The following MTRF1L variants were observed in gnomAD, a reference collection of about 807,000 sequenced individuals.
MTRF1L encodes mitochondrial translation release factor 1 like.
A neutral mutation model predicts 40.0 loss-of-function variants in MTRF1L; 29 were observed. The observed-to-expected ratio is 0.73, with a 90% CI of 0.54 to 0.99. The LOEUF (loss-of-function observed/expected upper bound fraction) is 0.99. Ranked by LOEUF, MTRF1L falls within the 50% of genes least tolerant of loss-of-function variation. MTRF1L has a pLI of 0.00. For missense variants in MTRF1L, 412 were observed against 464.5 expected, an observed-to-expected ratio of 0.89 and a Z score of 1.04; for synonymous variants, 150 against 175.8, an observed-to-expected ratio of 0.85 and a Z score of 1.16.
chr6:152,992,260 G>C (rs1584095018), intron 5 of MTRF1L, among the ~76,000 whole-genome samples: 2 of 152,158 alleles, frequency 1.3e-5, no homozygotes, highest in East Asian at 3.9e-4. Flanking sequence ...TATCACATGT[G>C]AATCACTGTG....
chr6:152,992,775 G>A (rs1778571107), intron 5 of MTRF1L, 82 bp downstream of exon 5: 1 of 992,870 alleles, frequency 1.0e-6, no homozygotes, highest in Non-Finnish European at 1.6e-6. Flanking sequence ...TGGTAACCGA[G>A]GATCTATTTC....
intron 2 of MTRF1L, among the ~76,000 whole-genome samples, chr6:152,996,535 T>C (rs1201438407): frequency 1.3e-5 from 2 of 152,142 alleles, no homozygotes; most frequent in Non-Finnish European, 2.9e-5. Flanking sequence ...TTTTAGTAAT[T>C]TTCACATTTG....
chr6:152,991,382 A>T, intron 5 of MTRF1L, 61 bp from the exon 6 acceptor site: 1 of 1,466,100 alleles, frequency 6.8e-7, no homozygotes, highest in Non-Finnish European at 9.1e-7. Flanking sequence ...CTTATTATCA[A>T]GGAATACTTT....
intron 5 of MTRF1L, chr6:152,991,546 T>G: frequency 2.6e-6 from 1 of 382,568 alleles, no homozygotes; most frequent in South Asian, 3.4e-5. Flanking sequence ...AAAGTCTTTC[T>G]TTCTTTCTTT....
intron 2 of MTRF1L, among the ~76,000 whole-genome samples, chr6:152,996,142 T>G (rs958966523): frequency 3.9e-5 from 6 of 152,180 alleles, no homozygotes; most frequent in African/African-American, 1.4e-4. Context: ...TACCTTAAGA[T>G]GTGAAACTAA....
intron 4 of MTRF1L, among the ~76,000 whole-genome samples, chr6:152,994,309 A>C (rs1054649077): frequency 3.3e-5 from 5 of 152,202 alleles, no homozygotes; most frequent in Admixed American, 1.3e-4. Context: ...ATACTAATAC[A>C]CAGACAATGC....
intron 2 of MTRF1L, among the ~76,000 whole-genome samples, chr6:152,995,729 C>T (rs899563449): frequency 2.0e-5 from 3 of 152,156 alleles, no homozygotes; most frequent in African/African-American, 7.2e-5. Context: ...ACCAAAAGCA[C>T]TCAAAACTAC....
rs778823773 is a variant in MTRF1L at position 152,992,873 on chromosome 6, T to C, written c.789A>G (p.Ile263Met). The change falls in exon 5 of 7, where the codon ATA (isoleucine) becomes ATG (methionine). Residue 263 changes from isoleucine to methionine, a missense_variant. Transcript: ENST00000367233. ...HVNTTDSAVR[I>M]VHLPTGVVSE... ...AGTACACACCTGTTGGAAGATGAAC[T>C]ATCCGGACAGCACTGTCCGTGGTAT... 7 of 1,611,090 alleles carry C rather than the reference T, an allele frequency of 4.3e-6. No individual in the cohort carries two copies. Among genetic ancestry groups the C allele is most frequent in the Non-Finnish European group, 5.1e-6 (6 of 1,179,094 alleles).
chr6:153,002,582 T>A lies in MTRF1L; in HGVS notation c.104A>T (p.Glu35Val). 5 of 1,561,148 alleles carry A rather than the reference T, an allele frequency of 3.2e-6. No homozygotes were observed. Among genetic ancestry groups the A allele is most frequent in the Non-Finnish European group, 4.3e-6 (5 of 1,154,078 alleles). Residue 35 changes from glutamate to valine, a missense_variant, in exon 1 of 7, where the codon GAG (glutamate) becomes GTG (valine). Transcript: ENST00000367233. ...CAAGGGCCCGCCCCGGGTGAACAGCTCCTCCAGCGGCGGGCTACCGGAGCT... is the reference window on the plus strand; with the variant it reads ...CAAGGGCCCGCCCCGGGTGAACAGCACCTCCAGCGGCGGGCTACCGGAGCT... ...PLSSGSPPLEELFTRGGPLRT... is the reference protein window; with the variant it reads ...PLSSGSPPLEVLFTRGGPLRT...
rs903463895 is a variant in MTRF1L, at chr6:153,002,534, G to T, written c.152C>A (p.Ala51Glu). Reference sequence around the variant, plus strand: ...GACCTTCAAATGGGCTTCAGACCCCGCCTGGCGCTCGAGGAAGGTCCGCAA... The same window carrying T: ...GACCTTCAAATGGGCTTCAGACCCCTCCTGGCGCTCGAGGAAGGTCCGCAA... ...GPLRTFLERQ[A>E]GSEAHLKVRR... Residue 51 changes from alanine (A) to glutamate (E), a missense_variant, in exon 1 of 7, where the codon GCG (alanine) becomes GAG (glutamate). Physicochemically the swap from Ala to Glu is moderately radical, Grantham distance 107. Coordinates refer to ENST00000367233, the MANE Select transcript of MTRF1L (RefSeq NM_019041.7). 7 of 1,606,054 alleles carry T rather than the reference G, an allele frequency of 4.4e-6. No individual in the cohort carries two copies. The African/African-American group carries it at 9.4e-5, about 22-fold the overall frequency.
In MTRF1L at chr6:152,989,956, T is replaced by C; in HGVS notation, c.1082A>G (p.Gln361Arg). 6.2e-7 allele frequency: 1 copy of C among 1,613,692 alleles called. No homozygotes were observed. The highest frequency in any genetic ancestry group is 2.2e-5 in the East Asian group (1 of 44,852). ...ATAATCGGCGTATTCCTTCAATGAC[T>C]GTACAAGTTCATCCAGTAGATAATC... ...QGDYLLDELV[Q>R]SLKEYADYES... The change falls in exon 7 of 7, where the codon CAG (glutamine) becomes CGG (arginine). Residue 361 changes from glutamine (Q) to arginine (R), a missense_variant. Physicochemically the swap from Gln to Arg is conservative, Grantham distance 43. Transcript: ENST00000367233.
chr6:153,001,605 C>G (rs898357864), intron 1 of MTRF1L, among the ~76,000 whole-genome samples: 8 of 152,224 alleles, frequency 5.3e-5, no homozygotes, highest in African/African-American at 1.9e-4. Flanking sequence ...CAGTACCACT[C>G]GTGCTGAAGC....
At chr6:152,991,364 C>A in intron 5 of MTRF1L, 43 bp from the exon 6 acceptor site, 1 of 1,513,552 alleles carries the variant, frequency 6.6e-7, no homozygotes, top group Non-Finnish European at 8.9e-7. Context: ...ATAAAAAAAT[C>A]TTCTTTACTT....
intron 2 of MTRF1L, chr6:152,998,146 C>CTTAAAAAAAAA (rs1778779917): frequency 6.9e-6 from 1 of 144,960 alleles, no homozygotes; most frequent in East Asian, 2.0e-4. Flanking sequence ...ATGTCTACCT[C>CTTAAAAAAAAA]CAGTCTTCTT....
rs545628766 is a variant in MTRF1L, at chr6:152,996,901, A to G, written c.340-1582T>C. Among the ~76,000 whole-genome samples, 80 of 152,330 alleles carry G rather than the reference A, an allele frequency of 5.3e-4. 1 individual carries two copies. The highest frequency in any genetic ancestry group is 1.4e-3 in the South Asian group (7 of 4,830). On this transcript the variant is annotated intron_variant, in intron 2 of 6. Coordinates refer to ENST00000367233, the MANE Select transcript of MTRF1L (RefSeq NM_019041.7). ...AGGGGACTTCAAGAAGTTGTATTTC[A>G]AAGTTATTTTGTAACAAAATAAACT...
In MTRF1L at chr6:153,002,700, C is replaced by A; in HGVS notation, c.-15G>T. 1 of 1,469,712 alleles carries A rather than the reference C, an allele frequency of 6.8e-7. No homozygotes were observed. The highest frequency in any genetic ancestry group is 1.4e-5 in the South Asian group (1 of 70,324). The allele number at this position is 1,469,712 out of a possible 1,614,324, so 91.0% of individuals were successfully genotyped here. On this transcript the variant is annotated 5_prime_UTR_variant, in exon 1 of 7. Transcript: ENST00000367233. The stretch of plus-strand genomic sequence containing the variant: ...CGGGACCGCATCCTTAGTCCGAGAT[C>A]GCGGACCCTGACCGGAACCGGAAGT...
intron 6 of MTRF1L, chr6:152,990,539 C>T (rs74687912): frequency 0.082 from 12,775 of 155,460 alleles, 610 homozygotes; most frequent in Admixed American, 0.17. Flanking sequence ...AAATTAAATA[C>T]CGGCCAGGCG....
rs1215265540 is a variant in MTRF1L at position 152,990,087 on chromosome 6, A to G, written c.951T>C (p.Ser317=). ...TTCTTATTTTCTCTGATCTTCCTTTACTTCCAATCTGTATATAGAGAAAAA... is the reference window on the plus strand; with the variant it reads ...TTCTTATTTTCTCTGATCTTCCTTTGCTTCCAATCTGTATATAGAGAAAAA... ...RQNARKIQIG[S]KGRSEKIRTY... Residue 317 remains serine, a synonymous_variant, in exon 7 of 7, where the codon AGT becomes AGC. Transcript: ENST00000367233. 1 of 1,613,790 alleles carries G rather than the reference A, an allele frequency of 6.2e-7. No individual in the cohort carries two copies. Among genetic ancestry groups the G allele is most frequent in the South Asian group, 1.1e-5 (1 of 90,996 alleles).
chr6:152,989,959 A>G lies in MTRF1L; in HGVS notation c.1079T>C (p.Val360Ala). Residue 360 changes from valine to alanine, a missense_variant, in exon 7 of 7, where the codon GTA (valine) becomes GCA (alanine). Transcript: ENST00000367233. ...ATCGGCGTATTCCTTCAATGACTGT[A>G]CAAGTTCATCCAGTAGATAATCTCC... ...MQGDYLLDEL[V>A]QSLKEYADYE... The G allele has an allele frequency of 6.2e-7, 1 of 1,613,716 alleles. No individual in the cohort carries two copies. Among genetic ancestry groups the G allele is most frequent in the Non-Finnish European group, 8.5e-7 (1 of 1,179,832 alleles).
Sources: allele counts gnomAD v4.1 joint callset (sites outside exome capture counted in the v4.1 genomes callset), GRCh38; gene constraint gnomAD v4.1.1; transcripts MANE v1.5; gene names NCBI Gene and HGNC (gene_info 2026-07-23, HGNC 2026-07-21).